Variants in LHX4 observed in about 807,000 individuals in gnomAD.
LHX4 encodes LIM homeobox 4, also known as LIM/homeobox protein Lhx4.
LHX4 carries 16 observed loss-of-function variants against 39.2 expected under a neutral mutation model. The ratio of observed to expected loss-of-function variants is 0.41; its 90% CI spans 0.28 to 0.62. LHX4 has a LOEUF of 0.62. Ranked by LOEUF, LHX4 falls within the 20% of genes least tolerant of loss-of-function variation. The pLI is 0.33. For synonymous variants in LHX4, 206 were observed against 198.1 expected, an observed-to-expected ratio of 1.04 and a Z score of -0.33; for missense variants, 439 against 511.9, an observed-to-expected ratio of 0.86 and a Z score of 1.37.
chr1:180,229,037 C>A (rs894612799), upstream of LHX4, among the ~76,000 whole-genome samples: 2 of 152,220 alleles, frequency 1.3e-5, no homozygotes, highest in African/African-American at 4.8e-5. Context: ...CCTGATGGAG[C>A]GTCAGAGGAG....
In LHX4 at chr1:180,277,308, A is replaced by C. The variant is rs1649093848; in HGVS notation, c.*2729A>C. ...ATTACTTTTAGCTTCTCTTAGAGGC[A>C]CTCCTCTGTTGCTTGGAAGTCTATT... is the stretch of plus-strand genomic sequence containing the variant. On this transcript the variant is annotated 3_prime_UTR_variant, in exon 6 of 6. Transcript: ENST00000263726. 1 of 152,102 alleles carries C rather than the reference A, an allele frequency of 6.6e-6. No homozygotes were observed. 9.4% of individuals were successfully genotyped at this position (152,102 alleles called of 1,614,324 possible). A position where few individuals can be genotyped will look rare whatever the true frequency, so the allele number is the denominator to read the frequency against.
chr1:180,255,463 C>T (rs1157610826), intron 2 of LHX4, among the ~76,000 whole-genome samples: 1 of 152,276 alleles, frequency 6.6e-6, no homozygotes, highest in South Asian at 2.1e-4. Context: ...AGGGGTGTGT[C>T]TCTTTGATGT....
intron 2 of LHX4, among the ~76,000 whole-genome samples, chr1:180,259,025 T>C (rs1449305372): frequency 2.6e-5 from 4 of 151,906 alleles, no homozygotes; most frequent in African/African-American, 4.8e-5. Flanking sequence ...TCCAAATCCA[T>C]GTGCTGTAGA....
chr1:180,246,928 A>G (rs1291322837), intron 1 of LHX4, among the ~76,000 whole-genome samples: 1 of 152,196 alleles, frequency 6.6e-6, no homozygotes, highest in Non-Finnish European at 1.5e-5. Context: ...CCGTTTAGAC[A>G]AACAACGAGC....
intron 3 of LHX4, among the ~76,000 whole-genome samples, chr1:180,269,413 G>T (rs1031467552): frequency 7.2e-5 from 11 of 152,138 alleles, no homozygotes; most frequent in African/African-American, 2.7e-4. Context: ...GGATGACATT[G>T]TTATGGGATA....
At chr1:180,240,257 C>T (rs1376354980) in intron 1 of LHX4, among the ~76,000 whole-genome samples, 2 of 152,182 alleles carry the variant, frequency 1.3e-5, no homozygotes, top group African/African-American at 4.8e-5. Context: ...TGGTCTCGAA[C>T]TTCTGGGTTC....
rs1421316449 is a variant in LHX4, at chr1:180,232,523, A to G, written c.76+1918A>G. On this transcript the variant is annotated intron_variant, in intron 1 of 5. Coordinates refer to ENST00000263726, the MANE Select transcript of LHX4 (RefSeq NM_033343.4). This position sits in a 1 kb window ranked among gnomAD's most constrained non-coding sequence, Gnocchi z 5.4. ...TTGAGGTGTACAAAGGAACTTCCAC[A>G]CCCACCCCCCCAGGGTGGCCCAGGG... Among the ~76,000 whole-genome samples the G allele has an allele frequency of 2.0e-5, 3 of 152,062 alleles. No homozygotes were observed. Among genetic ancestry groups the G allele is most frequent in the Non-Finnish European group, 1.5e-5 (1 of 68,000 alleles).
intron 1 of LHX4, among the ~76,000 whole-genome samples, chr1:180,244,695 G>C (rs1049670858): frequency 6.6e-6 from 1 of 152,258 alleles, no homozygotes; most frequent in African/African-American, 2.4e-5. Flanking sequence ...AATTAGGTAG[G>C]AATCTGTGGC....
intron 2 of LHX4, among the ~76,000 whole-genome samples, chr1:180,257,549 A>G (rs1388657178): frequency 2.0e-5 from 3 of 152,206 alleles, no homozygotes; most frequent in Admixed American, 6.5e-5. Context: ...TGCCCATGAC[A>G]TGGCTGTGGC....
chr1:180,228,643 G>C (rs1206607268), upstream of LHX4, among the ~76,000 whole-genome samples: 1 of 152,158 alleles, frequency 6.6e-6, no homozygotes, highest in African/African-American at 2.4e-5. Flanking sequence ...CTCGCGCGCG[G>C]AGTCACCTCG....
chr1:180,252,696 A>C (rs1214422746), intron 2 of LHX4, among the ~76,000 whole-genome samples: 1 of 152,164 alleles, frequency 6.6e-6, no homozygotes, highest in Non-Finnish European at 1.5e-5. Flanking sequence ...GGAGATACGG[A>C]GAGTACCCAC....
chr1:180,250,035 T>C (rs357077), intron 2 of LHX4, among the ~76,000 whole-genome samples: 84,650 of 151,892 alleles, frequency 0.56, 24,746 homozygotes, highest in African/African-American at 0.74. Flanking sequence ...GCAGGTGACA[T>C]GGGTGCCCGG....
At chr1:180,242,801 C>A (rs72712970) in intron 1 of LHX4, among the ~76,000 whole-genome samples, 9,423 of 152,194 alleles carry the variant, frequency 0.062, 444 homozygotes, top group South Asian at 0.21. Context: ...AAGAGAAAAA[C>A]TTTCATTTTA....
At chr1:180,238,967 G>A (rs1352142781) in intron 1 of LHX4, among the ~76,000 whole-genome samples, 2 of 152,164 alleles carry the variant, frequency 1.3e-5, no homozygotes, top group African/African-American at 4.8e-5. Flanking sequence ...ATTTAAAAGG[G>A]GAATTGTGAC....
At chr1:180,237,189 T>A (rs1004232026) in intron 1 of LHX4, among the ~76,000 whole-genome samples, 2 of 146,564 alleles carry the variant, frequency 1.4e-5, no homozygotes, top group Non-Finnish European at 3.0e-5. Flanking sequence ...AGTGCAGGAA[T>A]TCACGACACA....
chr1:180,270,024 C>T (rs1391846520), intron 3 of LHX4: 1 of 152,260 alleles, frequency 6.6e-6, no homozygotes, highest in Non-Finnish European at 1.5e-5. Context: ...CACACATGTC[C>T]TGGCTGCACA....
intron 1 of LHX4, among the ~76,000 whole-genome samples, chr1:180,235,150 G>T (rs1190413379): frequency 6.6e-6 from 1 of 152,272 alleles, no homozygotes; most frequent in African/African-American, 2.4e-5. Context: ...CCCAGAAGGG[G>T]ACAAGGGAGG....
rs565303526 is a variant in LHX4, at chr1:180,244,379, G to C, written c.77-3906G>C. Among the ~76,000 whole-genome samples, 36 of 152,282 alleles carry C rather than the reference G, an allele frequency of 2.4e-4. No homozygotes were observed. The South Asian group carries it at 7.3e-3, about 31-fold the overall frequency. On this transcript the variant is annotated intron_variant, in intron 1 of 5. Coordinates refer to ENST00000263726, the MANE Select transcript of LHX4 (RefSeq NM_033343.4). ...GAGGACTTCTAATTTGGGCAGCCCA[G>C]AGTGACCCAGCGCGGATCCTTTCCT...
intron 1 of LHX4, among the ~76,000 whole-genome samples, chr1:180,237,507 T>C (rs1664352666): frequency 2.0e-5 from 3 of 152,190 alleles, no homozygotes; most frequent in South Asian, 2.1e-4. Context: ...TTGGGTTTAA[T>C]TGGTGAAAAT....
Sources: gnomAD v4.1 joint callset for allele counts (sites outside exome capture counted in the v4.1 genomes callset) on GRCh38, gnomAD v4.1.1 for gene constraint, Gnocchi (gnomAD v3.1) non-coding constraint, MANE v1.5 for transcripts, NCBI Gene and HGNC (gene_info 2026-07-23, HGNC 2026-07-21) for gene names.